CUX1: variants seen among roughly 807,000 people sequenced by gnomAD.
The protein encoded by CUX1 is protein CASP.
A neutral mutation model predicts 158.8 loss-of-function variants in CUX1; 31 were observed. That is an observed-to-expected ratio of 0.20 (90% CI 0.15 to 0.26). CUX1 has a LOEUF of 0.26. Among genes scored for constraint, CUX1 ranks in the 10% least tolerant of loss-of-function variants. The pLI, the probability that CUX1 is intolerant of heterozygous loss-of-function variation, is 1.00. For missense variants in CUX1, 1,589 were observed against 2,014.6 expected (o/e 0.79, Z 4.04); for synonymous variants, 879 against 862.1 (o/e 1.02, Z -0.34).
At chr7:102,153,742 C>G (rs1329339047) in intron 8 of CUX1, 18 of 152,206 alleles carry the variant, frequency 1.2e-4, no homozygotes, top group Admixed American at 1.2e-3. Flanking sequence ...GAAAGAGCGG[C>G]TGGTATCCCT....
Position 102,249,340 on chromosome 7 carries a change from A to T in CUX1, c.*298A>T. 2 of 1,014,616 alleles carry T rather than the reference A, an allele frequency of 2.0e-6. No homozygotes were observed. Among genetic ancestry groups the T allele is most frequent in the Non-Finnish European group, 2.4e-6 (2 of 848,500 alleles). 62.9% of individuals were successfully genotyped at this position (1,014,616 alleles called of 1,614,324 possible). A position where few individuals can be genotyped will look rare whatever the true frequency, so the allele number is the denominator to read the frequency against. The stretch of plus-strand genomic sequence containing the variant: ...CCTGGACCCCTGGACCGCTTTGCGC[A>T]CTTACCGCCCTGCGGGCCACAGGGC... On this transcript the variant is annotated 3_prime_UTR_variant, in exon 24 of 24. Transcript: ENST00000292535.
intron 2 of CUX1, among the ~76,000 whole-genome samples, chr7:102,024,560 C>G (rs1036633421): frequency 1.3e-5 from 2 of 152,162 alleles, no homozygotes; most frequent in African/African-American, 2.4e-5. Context: ...CTCCTGACCT[C>G]AGGTGATCCA....
Position 102,232,868 on chromosome 7 carries a change from G to T in CUX1, c.3434-1184G>T, listed in dbSNP as rs550267638. ...CTTCCAGTTACTTTATTTAGCAAAG[G>T]CAGCCTAGACTGCAAAAGCAGACTT... On this transcript the variant is annotated intron_variant, in intron 21 of 23. Transcript: ENST00000292535. 7.9e-5 allele frequency among the ~76,000 whole-genome samples: 12 copies of T among 152,304 alleles called. No individual in the cohort carries two copies. In the South Asian group the frequency reaches 2.3e-3, roughly 29 times the overall value.
chr7:102,231,742 C>CT (rs1799026001), intron 21 of CUX1, among the ~76,000 whole-genome samples: 1 of 139,118 alleles, frequency 7.2e-6, no homozygotes. Context: ...GAGATGGAGT[C>CT]TCGCTCTGTC....
chr7:102,170,638 ATC>A (rs1361852754), intron 10 of CUX1, 88 bp downstream of exon 10: 1 of 901,520 alleles, frequency 1.1e-6, no homozygotes, highest in East Asian at 2.8e-5. Flanking sequence ...TGTTTTCAGC[ATC>A]TCTTTTTGGG....
chr7:101,868,693 C>T (rs1216009438), intron 1 of CUX1, among the ~76,000 whole-genome samples: 3 of 152,148 alleles, frequency 2.0e-5, no homozygotes, highest in Non-Finnish European at 4.4e-5. Flanking sequence ...TACCATCAGC[C>T]GCAAAGCTCA....
chr7:102,273,628 A>C, intron 15 of CUX1: 44 of 1,092,776 alleles, frequency 4.0e-5, no homozygotes, highest in Non-Finnish European at 4.8e-5. Context: ...ACCTAAAACC[A>C]TTGGGTTCTC....
chr7:102,172,154 C>T (rs991741309), intron 10 of CUX1, among the ~76,000 whole-genome samples: 2 of 152,020 alleles, frequency 1.3e-5, no homozygotes, highest in Non-Finnish European at 2.9e-5. Context: ...GGCGTGATCT[C>T]AGCTCACTGC....
chr7:102,149,559 G>A (rs1835404846), intron 8 of CUX1, among the ~76,000 whole-genome samples: 1 of 152,182 alleles, frequency 6.6e-6, no homozygotes, highest in Non-Finnish European at 1.5e-5. Flanking sequence ...CATGGTAGGT[G>A]CCCCATGGGC....
rs1225460599 is a variant in CUX1 at position 102,249,532 on chromosome 7, A to G, written c.*490A>G. The G allele has an allele frequency of 6.1e-6, 6 of 985,788 alleles. No homozygotes were observed. In the Admixed American group the frequency reaches 3.1e-4, roughly 50 times the overall value. The allele number at this position is 985,788 out of a possible 1,614,324, so 61.1% of individuals were successfully genotyped here. A position where few individuals can be genotyped will look rare whatever the true frequency, so the allele number is the denominator to read the frequency against. On this transcript the variant is annotated 3_prime_UTR_variant, in exon 24 of 24. Coordinates refer to ENST00000292535, the MANE Select transcript of CUX1 (RefSeq NM_181552.4). ...TTCCACAGGTTCTGGAATAACTCTT[A>G]CAGCTTTGCCTTGTGTCCTCCTGTT...
At chr7:102,008,459 G>C (rs183022276) in intron 2 of CUX1, among the ~76,000 whole-genome samples, 49 of 152,186 alleles carry the variant, frequency 3.2e-4, no homozygotes, top group Non-Finnish European at 5.9e-4. Context: ...TTGTAGGCTA[G>C]CTGCGCCTGT....
intron 4 of CUX1, among the ~76,000 whole-genome samples, chr7:102,079,063 G>C (rs1827081780): frequency 6.6e-6 from 1 of 152,190 alleles, no homozygotes; most frequent in Admixed American, 6.5e-5. Context: ...GTTAAAATTA[G>C]AAAACACTGT....
At chr7:101,989,281 G>A (rs1814773488) in intron 2 of CUX1, among the ~76,000 whole-genome samples, 1 of 152,222 alleles carries the variant, frequency 6.6e-6, no homozygotes, top group Non-Finnish European at 1.5e-5. Context: ...TGTCCCCAAT[G>A]GCACCTCGCC....
At chr7:102,111,600 C>A in intron 6 of CUX1, 98 bp from the exon 7 acceptor site, 1 of 1,139,810 alleles carries the variant, frequency 8.8e-7, no homozygotes, top group Non-Finnish European at 1.3e-6. Flanking sequence ...CTGCCGCCAG[C>A]TGAGCGCAGG....
chr7:102,018,175 G>T (rs568921098), intron 2 of CUX1, among the ~76,000 whole-genome samples: 3 of 152,148 alleles, frequency 2.0e-5, no homozygotes, highest in African/African-American at 4.8e-5. Context: ...TGCCTAGACT[G>T]GTCTTGAACT....
At chr7:101,851,829 CTTTT>C (rs59542926) in intron 1 of CUX1, among the ~76,000 whole-genome samples, 2 of 144,836 alleles carry the variant, frequency 1.4e-5, no homozygotes, top group Non-Finnish European at 3.0e-5. Context: ...TTTCTTCTCT[CTTTT>C]TTTTTTTTCT....
chr7:102,274,364 G>T, intron 16 of CUX1: 3 of 1,499,966 alleles, frequency 2.0e-6, no homozygotes, highest in Non-Finnish European at 1.8e-6. Context: ...GAGGAGACAG[G>T]TGATACCGCC....
intron 3 of CUX1, among the ~76,000 whole-genome samples, chr7:102,051,570 G>A (rs577959291): frequency 2.8e-4 from 42 of 150,886 alleles, no homozygotes; most frequent in African/African-American, 9.3e-4. Flanking sequence ...CAGCAGAATC[G>A]TTTGAACCTG....
rs549236528 is a variant in CUX1, at chr7:101,861,434, A to G, written c.30+43765A>G. 2.4e-4 allele frequency among the ~76,000 whole-genome samples: 36 copies of G among 152,176 alleles called. 1 individual carries two copies. Among genetic ancestry groups the G allele is most frequent in the East Asian group, 1.7e-3 (9 of 5,170 alleles). On this transcript the variant is annotated intron_variant, in intron 1 of 23. Coordinates refer to ENST00000292535, the MANE Select transcript of CUX1 (RefSeq NM_181552.4). The stretch of plus-strand genomic sequence containing the variant: ...AAATTTGCAACCCGTTTTTTCCCCA[A>G]TCTTTTGGAATGGAAATGGTTCAGT...
Sources: allele counts gnomAD v4.1 joint callset (sites outside exome capture counted in the v4.1 genomes callset), GRCh38; gene constraint gnomAD v4.1.1; transcripts MANE v1.5; gene names NCBI Gene and HGNC (gene_info 2026-07-23, HGNC 2026-07-21).